Variants in SLC5A10 observed in about 807,000 individuals in gnomAD.
SLC5A10 encodes the protein sodium/mannose cotransporter SLC5A10.
SLC5A10 carries 55 observed loss-of-function variants against 68.9 expected under a neutral mutation model. That is an observed-to-expected ratio of 0.80 (90% CI 0.64 to 1.00). SLC5A10 has a LOEUF of 1.00. Among genes scored for constraint, SLC5A10 ranks in the 50% least tolerant of loss-of-function variants. The probability of loss-of-function intolerance (pLI) is 0.00; values close to 1 mark genes in which losing one functional copy is unlikely to be tolerated. For missense variants in SLC5A10, 732 were observed against 819.3 expected (o/e 0.89, Z 1.30); for synonymous variants, 344 against 344.8 (o/e 1.00, Z 0.02).
chr17:18,977,587 TGCCTCCTTGTCTGTGGA>T, intron 9 of SLC5A10: 1 of 1,607,772 alleles, frequency 6.2e-7, no homozygotes, highest in Non-Finnish European at 8.5e-7. Context: ...GACCCACCTG[TGCCTCCTTGTCTGTGGA>T]GCGCTGGGCC....
intron 5 of SLC5A10, among the ~76,000 whole-genome samples, chr17:18,964,818 C>T (rs1314375635): frequency 2.6e-5 from 4 of 152,066 alleles, no homozygotes; most frequent in Admixed American, 6.5e-5. Context: ...CTCTGCCGGG[C>T]GGGGGTGCAC....
At position 18,970,950 on chromosome 17, in the gene SLC5A10, G is replaced by T. The variant is rs1056620697; in HGVS notation, c.641-63G>T. ...TTTCTTGTGAGATGAAGGCAGGGGG[G>T]AGCCCAGGGAGTCAGGGCCCCGCAA... On this transcript the variant is annotated intron_variant, in intron 7 of 14. Transcript: ENST00000395645. 26 of 1,505,778 alleles carry T rather than the reference G, an allele frequency of 1.7e-5. No individual in the cohort carries two copies. In the South Asian group the frequency reaches 1.9e-4, roughly 11 times the overall value. The allele number at this position is 1,505,778 out of a possible 1,614,324, so 93.3% of individuals were successfully genotyped here.
Position 18,971,429 on chromosome 17 carries a change from C to T in SLC5A10, c.846+211C>T. On this transcript the variant is annotated intron_variant, in intron 8 of 14. Transcript: ENST00000395645. The surrounding 1 kb of genome is among the most constrained non-coding windows in gnomAD (Gnocchi z 5.5). ...ATCCGATGAGGCCCACTGGCTACCG[C>T]CCGTCCTGGCCTTTAGGTGCTTCGA... The T allele has an allele frequency of 6.2e-7, 1 of 1,613,844 alleles. No homozygotes were observed. The highest frequency in any genetic ancestry group is 8.5e-7 in the Non-Finnish European group (1 of 1,180,018).
chr17:18,952,371 G>T, intron 1 of SLC5A10, 55 bp downstream of exon 1: 1 of 1,562,324 alleles, frequency 6.4e-7, no homozygotes, highest in Non-Finnish European at 8.7e-7. Flanking sequence ...TGGTGCTTGG[G>T]GTGGGAACCG....
chr17:19,004,698 G>T lies in SLC5A10; in HGVS notation c.983-8712G>T. 1 of 151,732 alleles carries T rather than the reference G, an allele frequency of 6.6e-6. No individual in the cohort carries two copies. The highest frequency in any genetic ancestry group is 1.9e-4 in the South Asian group (1 of 5,226). 9.4% of individuals were successfully genotyped at this position (151,732 alleles called of 1,614,324 possible). A position where few individuals can be genotyped will look rare whatever the true frequency, so the allele number is the denominator to read the frequency against. The stretch of plus-strand genomic sequence containing the variant: ...CCCGGGATCCGGGGGGCGCGGCCGG[G>T]ACTTGCTTACCGAGCGGGCGCTGGC... On this transcript the variant is annotated intron_variant, in intron 9 of 14. Coordinates refer to ENST00000395645, the MANE Select transcript of SLC5A10 (RefSeq NM_001042450.4). The surrounding 1 kb of genome is among the most constrained non-coding windows in gnomAD (Gnocchi z 5.4).
chr17:18,954,560 A>G (rs1011108294), intron 1 of SLC5A10, among the ~76,000 whole-genome samples: 8 of 152,220 alleles, frequency 5.3e-5, no homozygotes, highest in African/African-American at 1.9e-4. Context: ...AGGATGCTGG[A>G]GATGCATCCC....
chr17:18,951,014 T>C (rs1488765713), upstream of SLC5A10, among the ~76,000 whole-genome samples: 1 of 152,262 alleles, frequency 6.6e-6, no homozygotes, highest in East Asian at 1.9e-4. Context: ...CCACTGCTCC[T>C]GGCCGAGGGG....
intron 9 of SLC5A10, among the ~76,000 whole-genome samples, chr17:18,997,945 G>C (rs1460030539): frequency 6.6e-6 from 1 of 152,204 alleles, no homozygotes; most frequent in Non-Finnish European, 1.5e-5. Context: ...GCACTACCAT[G>C]ACACTGAGGA....
intron 1 of SLC5A10, chr17:18,953,499 C>G (rs998077154): frequency 6.6e-6 from 1 of 152,658 alleles, no homozygotes; most frequent in African/African-American, 2.4e-5. Flanking sequence ...GGAGACTGGT[C>G]ACGTCCCCTC....
rs531504066 is a variant in SLC5A10, at chr17:19,000,485, G to C, written c.983-12925G>C. ...CCTGCTGTCCACTAGTTCCATTCTA[G>C]TCATTTGGGAACAGGGGGGACTGAC... is the stretch of plus-strand genomic sequence containing the variant. On this transcript the variant is annotated intron_variant, in intron 9 of 14. Transcript: ENST00000395645. This position sits in a 1 kb window ranked among gnomAD's most constrained non-coding sequence, Gnocchi z 5.2. Among the ~76,000 whole-genome samples, 147 of 152,320 alleles carry C rather than the reference G, an allele frequency of 9.7e-4. 1 individual carries two copies. Among genetic ancestry groups the C allele is most frequent in the Middle Eastern group, 3.4e-3 (1 of 294 alleles).
chr17:18,977,132 G>C (rs2043000790), intron 9 of SLC5A10, 143 bp downstream of exon 9: 1 of 1,154,070 alleles, frequency 8.7e-7, no homozygotes, highest in Non-Finnish European at 1.2e-6. Flanking sequence ...GTGGTCCTCA[G>C]GGCCACAATC....
intron 9 of SLC5A10, among the ~76,000 whole-genome samples, chr17:19,009,961 C>CA (rs1471256567): frequency 6.6e-6 from 1 of 152,002 alleles, no homozygotes; most frequent in African/African-American, 2.4e-5. Context: ...GGAGAAGGAA[C>CA]AGCAAACACA....
Position 19,017,213 on chromosome 17 carries a change from G to C in SLC5A10, c.1241+2014G>C. ...TGGGCCCCAGTTCTCTCAGCTGCCA[G>C]CTGGATAGAGCAGAAAGGGCCCCGT... On this transcript the variant is annotated intron_variant, in intron 11 of 14. Coordinates refer to ENST00000395645, the MANE Select transcript of SLC5A10 (RefSeq NM_001042450.4). The surrounding 1 kb of genome is among the most constrained non-coding windows in gnomAD (Gnocchi z 5.6). The C allele has an allele frequency of 1.4e-6, 2 of 1,385,276 alleles. No individual in the cohort carries two copies. The highest frequency in any genetic ancestry group is 4.0e-5 in the Admixed American group (2 of 50,248). The allele number at this position is 1,385,276 out of a possible 1,614,324, so 85.8% of individuals were successfully genotyped here. A position where few individuals can be genotyped will look rare whatever the true frequency, so the allele number is the denominator to read the frequency against.
At chr17:18,964,731 T>A (rs1381677250) in intron 5 of SLC5A10, among the ~76,000 whole-genome samples, 4 of 150,400 alleles carry the variant, frequency 2.7e-5, no homozygotes, top group Non-Finnish European at 5.9e-5. Flanking sequence ...GGGCTGGGGG[T>A]GTCTAGGGAT....
chr17:18,977,556 C>A, intron 9 of SLC5A10: 1 of 1,594,308 alleles, frequency 6.3e-7, no homozygotes, highest in East Asian at 2.2e-5. Context: ...GGACTCGTGA[C>A]CCCTGGTGTG....
intron 9 of SLC5A10, among the ~76,000 whole-genome samples, chr17:18,995,886 C>T (rs2043556838): frequency 6.8e-6 from 1 of 147,722 alleles, no homozygotes; most frequent in South Asian, 2.2e-4. Flanking sequence ...CCAGCCTGGG[C>T]AACAGAGTAA....
rs1161774553 is a variant in SLC5A10, at chr17:19,019,754, C to G, written c.1452C>G (p.Ala484=). 6.2e-7 allele frequency: 1 copy of G among 1,612,520 alleles called. No individual in the cohort carries two copies. The highest frequency in any genetic ancestry group is 1.7e-5 in the Admixed American group (1 of 59,964). Residue 484 remains alanine (A), a synonymous_variant, in exon 13 of 15, where the codon GCC becomes GCG. Transcript: ENST00000395645. ...TGATAGCAGGGCTGGTGGTGGGGGC[C>G]ACGAGGCTGGTCCTGGAATTCCTGA... ...WGLIAGLVVG[A]TRLVLEFLNP... is the part of the protein sequence containing the mutation.
Position 18,960,457 on chromosome 17 carries a change from G to A in SLC5A10, c.349-91G>A, listed in dbSNP as rs1176478877. ...AGAGGCTCGCAGCTGCTTTGTGGCG[G>A]GGGGAGAGGCAGAGTGATTGAGACA... is the stretch of plus-strand genomic sequence containing the variant. On this transcript the variant is annotated intron_variant, in intron 4 of 14. Coordinates refer to ENST00000395645, the MANE Select transcript of SLC5A10 (RefSeq NM_001042450.4). 9.1e-6 allele frequency: 10 copies of A among 1,100,916 alleles called. No homozygotes were observed. In the East Asian group the frequency reaches 1.5e-4, roughly 16 times the overall value. The allele number at this position is 1,100,916 out of a possible 1,614,324, so 68.2% of individuals were successfully genotyped here.
chr17:18,990,797 G>A (rs1011064693), intron 9 of SLC5A10, among the ~76,000 whole-genome samples: 27 of 160 alleles, frequency 0.17, no homozygotes, highest in Non-Finnish European at 0.093. Flanking sequence ...GGGGGAGCCT[G>A]GTGCTCCCCC....
Sources: allele counts gnomAD v4.1 joint callset (sites outside exome capture counted in the v4.1 genomes callset), GRCh38; gene constraint gnomAD v4.1.1; non-coding constraint Gnocchi (gnomAD v3.1); transcripts MANE v1.5; gene names NCBI Gene and HGNC (gene_info 2026-07-23, HGNC 2026-07-21).